Variants in MTF2 observed in about 807,000 individuals in gnomAD.
The protein encoded by MTF2 is metal-response element-binding transcription factor 2.
In MTF2, 11 loss-of-function variants were observed where a neutral mutation model predicts 79.5. That is an observed-to-expected ratio of 0.14 (90% CI 0.09 to 0.23). The LOEUF (loss-of-function observed/expected upper bound fraction) is 0.23, where lower values mean the gene tolerates loss of function less well. MTF2 is among the 10% of genes least tolerant of loss of function. The pLI, the probability that MTF2 is intolerant of heterozygous loss-of-function variation, is 1.00. For missense variants in MTF2, 486 were observed against 711.2 expected, an observed-to-expected ratio of 0.68 and a Z score of 3.60; for synonymous variants, 208 against 232.8, an observed-to-expected ratio of 0.89 and a Z score of 0.97.
chr1:93,119,282 TTATCTC>T, intron 7 of MTF2, 45 bp from the exon 8 acceptor site: 2 of 1,299,002 alleles, frequency 1.5e-6, no homozygotes, highest in East Asian at 5.0e-5. Context: ...AATTGTTAGT[TTATCTC>T]TGATGACTCA....
At chr1:93,101,578 T>TTGTTTTTTG (rs1655541618) in intron 1 of MTF2, among the ~76,000 whole-genome samples, 1 of 102,346 alleles carries the variant, frequency 9.8e-6, no homozygotes, top group African/African-American at 3.5e-5. Context: ...GTTTTTTTTT[T>TTGTTTTTTG]TTTTTTTTTT....
chr1:93,079,701 AGAG>A (rs1393209386), intron 1 of MTF2, among the ~76,000 whole-genome samples, 170 bp downstream of exon 1: 1 of 152,066 alleles, frequency 6.6e-6, no homozygotes, highest in African/African-American at 2.4e-5. Context: ...GAATGGATGA[AGAG>A]GAGTAGTCAG....
intron 10 of MTF2, 151 bp downstream of exon 10, chr1:93,127,450 A>T (rs1009501975): frequency 1.8e-6 from 1 of 553,144 alleles, no homozygotes; most frequent in African/African-American, 1.9e-5. Flanking sequence ...TAGTTAGATT[A>T]AAGCAGTGAT....
At chr1:93,130,116 A>G (rs115801176) in intron 11 of MTF2, among the ~76,000 whole-genome samples, 2 of 152,312 alleles carry the variant, frequency 1.3e-5, no homozygotes, top group Non-Finnish European at 2.9e-5. Context: ...AACATATTCT[A>G]AGAACTCACA....
At chr1:93,136,603 A>G in intron 14 of MTF2, 67 bp from the exon 15 acceptor site, 1 of 1,270,300 alleles carries the variant, frequency 7.9e-7, no homozygotes, top group South Asian at 1.4e-5. Context: ...AGAAAAGAGA[A>G]CATATTGTAT....
At chr1:93,130,642 C>G (rs1656880602) in intron 11 of MTF2, among the ~76,000 whole-genome samples, 1 of 151,874 alleles carries the variant, frequency 6.6e-6, no homozygotes, top group Non-Finnish European at 1.5e-5. Context: ...AGAATAAAAG[C>G]AGGAGAAAAT....
At chr1:93,094,601 G>A (rs1366853002) in intron 1 of MTF2, among the ~76,000 whole-genome samples, 1 of 151,716 alleles carries the variant, frequency 6.6e-6, no homozygotes, top group East Asian at 1.9e-4. Context: ...TTTTGCTGTT[G>A]CATCCCCACT....
intron 1 of MTF2, among the ~76,000 whole-genome samples, chr1:93,085,649 G>C (rs1654806636): frequency 6.6e-6 from 1 of 151,904 alleles, no homozygotes; most frequent in Non-Finnish European, 1.5e-5. Flanking sequence ...ACCACACCTG[G>C]CTAATTTTTA....
At chr1:93,096,540 A>T (rs1469188742) in intron 1 of MTF2, among the ~76,000 whole-genome samples, 1 of 149,956 alleles carries the variant, frequency 6.7e-6, no homozygotes, top group Non-Finnish European at 1.5e-5. Flanking sequence ...TTTCTGTGTT[A>T]ATTTCTGTTC....
chr1:93,133,404 T>C (rs1647220301), intron 11 of MTF2, among the ~76,000 whole-genome samples: 1 of 152,124 alleles, frequency 6.6e-6, no homozygotes, highest in African/African-American at 2.4e-5. Flanking sequence ...TATAATTGTC[T>C]GGTTTTTGTT....
chr1:93,079,382 G>C lies in MTF2; in HGVS notation c.-145G>C. 1 of 976,980 alleles carries C rather than the reference G, an allele frequency of 1.0e-6. No individual in the cohort carries two copies. The allele number at this position is 976,980 out of a possible 1,614,324, so 60.5% of individuals were successfully genotyped here. On this transcript the variant is annotated 5_prime_UTR_variant, in exon 1 of 15. Transcript: ENST00000370298. ...TTCTACCCCCAACCCTTGTCTCCAA[G>C]GACCTCGGTTTGTGCGTGCATATGT...
chr1:93,128,332 C>T (rs530324549), intron 10 of MTF2, among the ~76,000 whole-genome samples: 293 of 151,982 alleles, frequency 1.9e-3, no homozygotes, highest in African/African-American at 6.9e-3. Flanking sequence ...CCGAGGCAGG[C>T]AGATCACCTG....
At chr1:93,122,921 T>A (rs1656537655) in intron 9 of MTF2, among the ~76,000 whole-genome samples, 1 of 152,132 alleles carries the variant, frequency 6.6e-6, no homozygotes, top group Non-Finnish European at 1.5e-5. Flanking sequence ...TTAGATTACT[T>A]TCAAATGTTT....
At chr1:93,123,768 C>CA (rs936593095) in intron 9 of MTF2, among the ~76,000 whole-genome samples, 8 of 148,740 alleles carry the variant, frequency 5.4e-5, no homozygotes, top group Non-Finnish European at 7.5e-5. Flanking sequence ...GTGTCCCCCC[C>CA]CCCTTTTTTT....
At position 93,079,298 on chromosome 1, in the gene MTF2, A is replaced by G. The variant is rs1654493287; in HGVS notation, c.-229A>G. 1 of 547,760 alleles carries G rather than the reference A, an allele frequency of 1.8e-6. No homozygotes were observed. Among genetic ancestry groups the G allele is most frequent in the East Asian group, 3.0e-5 (1 of 33,004 alleles). 33.9% of individuals were successfully genotyped at this position (547,760 alleles called of 1,614,324 possible). ...ATGCACCGGCAGTCCGCGGGAAACC[A>G]AAATGGCGAGGGGCTGTATTGAAGT... is the stretch of plus-strand genomic sequence containing the variant. On this transcript the variant is annotated 5_prime_UTR_variant, in exon 1 of 15. Coordinates refer to ENST00000370298, the MANE Select transcript of MTF2 (RefSeq NM_007358.4).
intron 10 of MTF2, among the ~76,000 whole-genome samples, chr1:93,128,452 G>C (rs181497297): frequency 3.6e-4 from 54 of 151,446 alleles, no homozygotes; most frequent in Non-Finnish European, 2.9e-4. Context: ...AGCTACTTAG[G>C]AGGCTGAAGC....
intron 3 of MTF2, among the ~76,000 whole-genome samples, chr1:93,113,986 T>C (rs1435571572): frequency 6.6e-6 from 1 of 151,146 alleles, no homozygotes; most frequent in African/African-American, 2.5e-5. Context: ...TGGTAAATTG[T>C]ATTAGAAATT....
chr1:93,097,857 C>T (rs2101036275), intron 1 of MTF2, among the ~76,000 whole-genome samples: 1 of 152,300 alleles, frequency 6.6e-6, no homozygotes, highest in African/African-American at 2.4e-5. Flanking sequence ...CTCAGCCTCC[C>T]ACAGTGCTGG....
At position 93,110,335 on chromosome 1, in the gene MTF2, T is replaced by C; in HGVS notation, c.111T>C (p.His37=). 2 of 1,614,132 alleles carry C rather than the reference T, an allele frequency of 1.2e-6. No homozygotes were observed. The highest frequency in any genetic ancestry group is 1.7e-6 in the Non-Finnish European group (2 of 1,180,010). ...SLTKLSLQDG[H]KAKKPACKFE... is the part of the protein sequence containing the mutation. The stretch of plus-strand genomic sequence containing the variant: ...CCAAGCTGTCTTTACAGGATGGACA[T>C]AAAGCCAAAAAGCCAGCATGTAAAT... The change falls in exon 2 of 15, where the codon CAT becomes CAC. Residue 37 remains histidine (H), a synonymous_variant. Coordinates refer to ENST00000370298, the MANE Select transcript of MTF2 (RefSeq NM_007358.4).
Sources: gnomAD v4.1 joint callset for allele counts (sites outside exome capture counted in the v4.1 genomes callset) on GRCh38, gnomAD v4.1.1 for gene constraint, MANE v1.5 for transcripts, NCBI Gene and HGNC (gene_info 2026-07-23, HGNC 2026-07-21) for gene names.